COL4A6: variants seen among roughly 807,000 people sequenced by gnomAD.
COL4A6 encodes collagen alpha-6(IV) chain.
Under a neutral mutation model 126.7 loss-of-function variants are expected in COL4A6, and 59 were observed. The observed-to-expected ratio is 0.47, with a 90% confidence interval of 0.38 to 0.58. The LOEUF (loss-of-function observed/expected upper bound fraction) is 0.58. COL4A6 is among the 20% of genes least tolerant of loss of function. The pLI, the probability that COL4A6 is intolerant of heterozygous loss-of-function variation, is 0.00. For missense variants in COL4A6, 1,285 were observed against 1,337.3 expected, an observed-to-expected ratio of 0.96 and a Z score of 0.61; for synonymous variants, 547 against 496.6, an observed-to-expected ratio of 1.10 and a Z score of -1.35.
Position 108,359,710 on chromosome X carries a change from A to T in COL4A6, c.64-48882T>A, listed in dbSNP as rs572919326. On this transcript the variant is annotated intron_variant, in intron 2 of 44. Coordinates refer to ENST00000334504, the MANE Select transcript of COL4A6 (RefSeq NM_033641.4). ...GGAACAATGTATCAATGCAGAATTC[A>T]AGACAGTGGGGGACAGGTGTGAGTG... 8.9e-5 allele frequency among the ~76,000 whole-genome samples: 10 copies of T among 112,486 alleles called. No homozygotes were observed. The South Asian group carries it at 3.7e-3, about 42-fold the overall frequency.
intron 2 of COL4A6, among the ~76,000 whole-genome samples, chrX:108,378,628 G>A (rs1168118667): frequency 4.4e-5 from 5 of 112,386 alleles, no homozygotes; most frequent in Non-Finnish European, 9.4e-5. Flanking sequence ...ATACGGGTAG[G>A]ATTCTTGTAT....
intron 3 of COL4A6, among the ~76,000 whole-genome samples, chrX:108,285,174 G>T (rs767234941): frequency 9.0e-6 from 1 of 111,446 alleles, no homozygotes; most frequent in East Asian, 2.8e-4. Context: ...GTGTTTATTG[G>T]GCATATTCTA....
chrX:108,183,582 G>A (rs1415407926), intron 23 of COL4A6: 1 of 327,787 alleles, frequency 3.1e-6, no homozygotes, highest in African/African-American at 2.7e-5. Context: ...TTGCATCCCA[G>A]CCTTAGACTC....
intron 2 of COL4A6, among the ~76,000 whole-genome samples, chrX:108,361,890 T>C (rs1037247054): frequency 2.2e-4 from 25 of 111,827 alleles, no homozygotes; most frequent in Non-Finnish European, 4.3e-4. Flanking sequence ...TTAGAGCATA[T>C]ATTAGAGGAG....
intron 2 of COL4A6, among the ~76,000 whole-genome samples, chrX:108,334,445 C>A (rs1361510519): frequency 9.0e-6 from 1 of 111,718 alleles, no homozygotes; most frequent in South Asian, 3.7e-4. Flanking sequence ...GTCGGTGAAA[C>A]ATGAGATGAA....
intron 3 of COL4A6, among the ~76,000 whole-genome samples, chrX:108,259,778 T>C (rs1397576063): frequency 8.9e-6 from 1 of 111,879 alleles, no homozygotes; most frequent in Non-Finnish European, 1.9e-5. Flanking sequence ...TTAAATGCCC[T>C]AGCTGCTTGA....
At chrX:108,229,422 C>T (rs1166639097) in intron 3 of COL4A6, among the ~76,000 whole-genome samples, 1 of 111,872 alleles carries the variant, frequency 8.9e-6, no homozygotes, top group African/African-American at 3.3e-5. Flanking sequence ...TATTTTCGCT[C>T]CTTAGCATGC....
intron 3 of COL4A6, among the ~76,000 whole-genome samples, chrX:108,271,564 A>G (rs1243933483): frequency 9.0e-6 from 1 of 111,540 alleles, no homozygotes; most frequent in Non-Finnish European, 1.9e-5. Context: ...TTCAGAGCAG[A>G]CTCAGCCATA....
intron 3 of COL4A6, among the ~76,000 whole-genome samples, chrX:108,253,611 G>A (rs1036891418): frequency 9.0e-6 from 1 of 111,688 alleles, no homozygotes; most frequent in Non-Finnish European, 1.9e-5. Context: ...AAATATTTGA[G>A]GGATATTTGT....
intron 3 of COL4A6, among the ~76,000 whole-genome samples, chrX:108,278,188 T>G: frequency 8.9e-6 from 1 of 111,815 alleles, no homozygotes; most frequent in East Asian, 2.8e-4. Context: ...ACGATCAAAC[T>G]ACTCCGAGCT....
At chrX:108,189,871 C>T (rs923389238) in intron 20 of COL4A6, among the ~76,000 whole-genome samples, 4 of 112,138 alleles carry the variant, frequency 3.6e-5, no homozygotes, top group African/African-American at 1.3e-4. Context: ...TCTTCCTTCC[C>T]CTGGCCTAAG....
intron 2 of COL4A6, among the ~76,000 whole-genome samples, chrX:108,360,534 C>T (rs903323850): frequency 1.4e-3 from 119 of 84,312 alleles, no homozygotes; most frequent in African/African-American, 5.0e-3. Flanking sequence ...ACACTTTAAC[C>T]TTTTTTTTTT....
intron 40 of COL4A6, among the ~76,000 whole-genome samples, chrX:108,164,255 G>A (rs2034052058): frequency 9.0e-6 from 1 of 111,463 alleles, no homozygotes. Context: ...GTGTGTGAGT[G>A]AGGGTGGGAA....
chrX:108,165,814 C>T, intron 37 of COL4A6, among the ~76,000 whole-genome samples: 1 of 112,647 alleles, frequency 8.9e-6, no homozygotes, highest in Non-Finnish European at 1.9e-5. Flanking sequence ...AGCACCTGGA[C>T]TTTTAAGTTT....
At chrX:108,188,418 C>T (rs2148147383) in intron 21 of COL4A6, 99 bp downstream of exon 21, 2 of 864,217 alleles carry the variant, frequency 2.3e-6, no homozygotes, top group East Asian at 7.2e-5. Flanking sequence ...GTTTTAATCC[C>T]ATCTCTCTTG....
intron 3 of COL4A6, chrX:108,267,502 G>A (rs978353149): frequency 8.9e-6 from 1 of 112,318 alleles, no homozygotes; most frequent in African/African-American, 3.2e-5. Flanking sequence ...TAAGCCCACA[G>A]CACGTAAAGT....
At position 108,237,371 on chromosome X, in the gene COL4A6, A is replaced by G. The variant is rs140540564; in HGVS notation, c.145-15997T>C. On this transcript the variant is annotated intron_variant, in intron 3 of 44. Coordinates refer to ENST00000334504, the MANE Select transcript of COL4A6 (RefSeq NM_033641.4). ...CTGTCTTTGCAGGCTTATTTTCCGC[A>G]AAACACCCCTACCTGCCCTAGACTT... is the stretch of plus-strand genomic sequence containing the variant. Among the ~76,000 whole-genome samples the G allele has an allele frequency of 8.7e-3, 970 of 111,818 alleles. 9 individuals are homozygous for G. The highest frequency in any genetic ancestry group is 0.013 in the South Asian group (34 of 2,612).
At chrX:108,415,312 T>G (rs2041413898) in intron 2 of COL4A6, among the ~76,000 whole-genome samples, 1 of 111,735 alleles carries the variant, frequency 8.9e-6, no homozygotes, top group Non-Finnish European at 1.9e-5. Context: ...TCACCCCAAC[T>G]GACTACTGTA....
At chrX:108,316,430 A>G (rs1167240485) in intron 2 of COL4A6, among the ~76,000 whole-genome samples, 2 of 111,867 alleles carry the variant, frequency 1.8e-5, no homozygotes, top group Non-Finnish European at 3.8e-5. Context: ...TATGGAGGAA[A>G]CTAAATTGGG....
Sources: gnomAD v4.1 joint callset for allele counts (sites outside exome capture counted in the v4.1 genomes callset) on GRCh38, gnomAD v4.1.1 for gene constraint, MANE v1.5 for transcripts, NCBI Gene and HGNC (gene_info 2026-07-23, HGNC 2026-07-21) for gene names.